ROR1: variants seen among roughly 807,000 people sequenced by gnomAD.
The protein encoded by ROR1 is ROR family WNT receptor 1.
Under a neutral mutation model 78.8 loss-of-function variants are expected in ROR1, and 19 were observed. That is an observed-to-expected ratio of 0.24 (90% CI 0.17 to 0.35). The LOEUF is 0.35. Ranked by LOEUF, ROR1 falls within the 10% of genes least tolerant of loss-of-function variation. The pLI, the probability that ROR1 is intolerant of heterozygous loss-of-function variation, is 1.00. For synonymous variants in ROR1, 386 were observed against 433.6 expected (o/e 0.89, Z 1.36); for missense variants, 917 against 1,177.8 (o/e 0.78, Z 3.24).
intron 1 of ROR1, among the ~76,000 whole-genome samples, chr1:63,907,043 T>A (rs569114831): frequency 6.6e-6 from 1 of 152,246 alleles, no homozygotes; most frequent in South Asian, 2.1e-4. Context: ...TTGGTTGGAT[T>A]TGGGAGAAGA....
chr1:63,975,953 A>G (rs933010992), intron 1 of ROR1, among the ~76,000 whole-genome samples: 4 of 152,184 alleles, frequency 2.6e-5, no homozygotes, highest in African/African-American at 9.7e-5. Flanking sequence ...ATTCATTTGG[A>G]AAGTATTTTT....
intron 1 of ROR1, among the ~76,000 whole-genome samples, chr1:63,934,451 C>T (rs1490040966): frequency 2.6e-5 from 4 of 152,168 alleles, no homozygotes; most frequent in Non-Finnish European, 5.9e-5. Flanking sequence ...AGCATAGTAC[C>T]TGGCTCCTGT....
intron 1 of ROR1, among the ~76,000 whole-genome samples, chr1:63,793,585 A>G (rs1300542465): frequency 6.6e-6 from 1 of 152,240 alleles, no homozygotes; most frequent in African/African-American, 2.4e-5. Context: ...GGTGCTGGCA[A>G]TGCAGTGGTG....
At chr1:64,155,156 CTG>C (rs71656627) in intron 7 of ROR1, among the ~76,000 whole-genome samples, 1,557 of 152,196 alleles carry the variant, frequency 0.01, 34 homozygotes, top group African/African-American at 0.036. Context: ...CTTAATTTCT[CTG>C]TGTGTAAAGT....
chr1:64,062,505 G>GT (rs1348089430), intron 4 of ROR1, among the ~76,000 whole-genome samples: 1 of 152,000 alleles, frequency 6.6e-6, no homozygotes, highest in East Asian at 1.9e-4. Context: ...TAGAGATGGG[G>GT]TTTCACCGTG....
chr1:64,083,720 G>A (rs1368362235), intron 4 of ROR1, among the ~76,000 whole-genome samples: 1 of 152,156 alleles, frequency 6.6e-6, no homozygotes, highest in Non-Finnish European at 1.5e-5. Context: ...CTGGAACGTG[G>A]CAACAAGAAG....
At chr1:64,114,542 G>A (rs1428582373) in intron 4 of ROR1, among the ~76,000 whole-genome samples, 1 of 152,212 alleles carries the variant, frequency 6.6e-6, no homozygotes, top group African/African-American at 2.4e-5. Flanking sequence ...TTTAAAGAAA[G>A]GGTGAGGGAG....
chr1:64,031,207 G>A (rs1646657174), intron 2 of ROR1, among the ~76,000 whole-genome samples: 2 of 152,214 alleles, frequency 1.3e-5, no homozygotes, highest in African/African-American at 4.8e-5. Flanking sequence ...GGAGGACACA[G>A]CTTGGAAATA....
At chr1:63,941,139 G>A (rs1410250410) in intron 1 of ROR1, among the ~76,000 whole-genome samples, 1 of 152,156 alleles carries the variant, frequency 6.6e-6, no homozygotes, top group Non-Finnish European at 1.5e-5. Context: ...ACTGGGTTTT[G>A]TGCTGGAGGG....
intron 1 of ROR1, among the ~76,000 whole-genome samples, chr1:64,004,901 G>A (rs1646416252): frequency 6.6e-6 from 1 of 152,090 alleles, no homozygotes; most frequent in East Asian, 1.9e-4. Flanking sequence ...CAAATCGGGA[G>A]GAGAATAGCT....
chr1:63,940,039 G>A (rs1256602493), intron 1 of ROR1, among the ~76,000 whole-genome samples: 1 of 152,166 alleles, frequency 6.6e-6, no homozygotes, highest in Non-Finnish European at 1.5e-5. Context: ...AAAGTGCACT[G>A]TTGTGATCCA....
chr1:64,131,408 C>G (rs926738778), intron 4 of ROR1, among the ~76,000 whole-genome samples: 1 of 152,122 alleles, frequency 6.6e-6, no homozygotes, highest in Non-Finnish European at 1.5e-5. Flanking sequence ...ACTGAGTAAA[C>G]TGCTCATGCT....
intron 4 of ROR1, among the ~76,000 whole-genome samples, chr1:64,102,692 G>T (rs1183489157): frequency 6.6e-6 from 1 of 152,206 alleles, no homozygotes; most frequent in African/African-American, 2.4e-5. Flanking sequence ...AGTAGGGTTT[G>T]ATCGCCTTCG....
chr1:63,954,133 G>A (rs2100474647), intron 1 of ROR1, among the ~76,000 whole-genome samples: 1 of 152,354 alleles, frequency 6.6e-6, no homozygotes, highest in South Asian at 2.1e-4. Flanking sequence ...ATATGTAAGA[G>A]AGATGTCAGA....
chr1:63,943,295 T>C (rs1044628692), intron 1 of ROR1, among the ~76,000 whole-genome samples: 4 of 152,172 alleles, frequency 2.6e-5, no homozygotes, highest in African/African-American at 9.7e-5. Flanking sequence ...ACTGTGGGAA[T>C]GGTTGCTCCT....
At chr1:63,931,985 G>A (rs1008232643) in intron 1 of ROR1, among the ~76,000 whole-genome samples, 1 of 152,106 alleles carries the variant, frequency 6.6e-6, no homozygotes, top group African/African-American at 2.4e-5. Context: ...GTCTAGGAAC[G>A]TACCCCCTTT....
chr1:64,122,146 G>A (rs1463642850), intron 4 of ROR1, among the ~76,000 whole-genome samples: 1 of 152,164 alleles, frequency 6.6e-6, no homozygotes, highest in Non-Finnish European at 1.5e-5. Flanking sequence ...TGTTGAGGCT[G>A]GAAATACAGT....
chr1:64,119,342 T>C (rs1309664770), intron 4 of ROR1, among the ~76,000 whole-genome samples: 1 of 152,126 alleles, frequency 6.6e-6, no homozygotes, highest in African/African-American at 2.4e-5. Flanking sequence ...AACAGCTTTT[T>C]AAAAGTGATG....
chr1:64,067,710 C>CTTTTTT (rs986756579), intron 4 of ROR1, among the ~76,000 whole-genome samples: 6 of 105,698 alleles, frequency 5.7e-5, no homozygotes, highest in African/African-American at 1.3e-4. Context: ...TAAATAAATT[C>CTTTTTT]TTTTTTTTTT....
Sources: allele counts gnomAD v4.1 joint callset (sites outside exome capture counted in the v4.1 genomes callset), GRCh38; gene constraint gnomAD v4.1.1; transcripts MANE v1.5; gene names NCBI Gene and HGNC (gene_info 2026-07-23, HGNC 2026-07-21).